The following PHF24 variants were observed in gnomAD, a reference collection of about 807,000 sequenced individuals.
PHF24 encodes the protein Galpha inhibitory interacting protein.
Under a neutral mutation model 42.6 loss-of-function variants are expected in PHF24, and 25 were observed. The ratio of observed to expected loss-of-function variants is 0.59; its 90% CI spans 0.43 to 0.82. The LOEUF (loss-of-function observed/expected upper bound fraction) is 0.82. Among genes scored for constraint, PHF24 ranks in the 40% least tolerant of loss-of-function variants. PHF24 has a pLI of 0.00. For missense variants in PHF24, 470 were observed against 538.1 expected, an observed-to-expected ratio of 0.87 and a Z score of 1.25; for synonymous variants, 185 against 204.8, an observed-to-expected ratio of 0.90 and a Z score of 0.83.
chr9:34,880,156 A>AT, the PHF24 span, among the ~76,000 whole-genome samples: 1 of 152,210 alleles, frequency 6.6e-6, no homozygotes, highest in Non-Finnish European at 1.5e-5. Context: ...ATACTGAGAG[A>AT]TTTTGTCACC....
At chr9:34,746,872 C>T in the PHF24 span, among the ~76,000 whole-genome samples, 1 of 152,200 alleles carries the variant, frequency 6.6e-6, no homozygotes, top group East Asian at 1.9e-4. Context: ...GGTGGTCAAA[C>T]AAATCATAAA....
At chr9:34,695,884 G>T in the PHF24 span, among the ~76,000 whole-genome samples, 1 of 152,208 alleles carries the variant, frequency 6.6e-6, no homozygotes, top group South Asian at 2.1e-4. Flanking sequence ...CCAGGACATA[G>T]ATTCCCAAAA....
chr9:34,755,671 G>T, the PHF24 span, among the ~76,000 whole-genome samples: 1 of 151,662 alleles, frequency 6.6e-6, no homozygotes, highest in Non-Finnish European at 1.5e-5. Context: ...TTAGAGACAG[G>T]GTCTTGCTCT....
At chr9:34,921,472 C>T in the PHF24 span, among the ~76,000 whole-genome samples, 1 of 152,084 alleles carries the variant, frequency 6.6e-6, no homozygotes, top group Non-Finnish European at 1.5e-5. Context: ...TTCATTTTCC[C>T]TGCATCTTTA....
At chr9:34,884,096 C>G in the PHF24 span, among the ~76,000 whole-genome samples, 1 of 152,072 alleles carries the variant, frequency 6.6e-6, no homozygotes, top group East Asian at 1.9e-4. Flanking sequence ...ACCATCCTTC[C>G]GAGAAAACTA....
chr9:34,828,005 T>C, the PHF24 span, among the ~76,000 whole-genome samples: 107,140 of 151,474 alleles, frequency 0.71, 38,853 homozygotes, highest in African/African-American at 0.87. Context: ...CACCTTTCCC[T>C]GCCCACCTAC....
chr9:34,833,905 G>A, the PHF24 span: 1 of 1,543,720 alleles, frequency 6.5e-7, no homozygotes, highest in Non-Finnish European at 8.8e-7. Context: ...CCGGGGCCAG[G>A]GCCCTGGGGA....
chr9:34,672,846 G>A, the PHF24 span, among the ~76,000 whole-genome samples: 754 of 152,072 alleles, frequency 5.0e-3, 7 homozygotes, highest in African/African-American at 0.017. Context: ...TCACTCTGTC[G>A]CCCAGGCTGG....
chr9:34,680,695 A>AT, the PHF24 span, among the ~76,000 whole-genome samples: 232 of 109,648 alleles, frequency 2.1e-3, 1 homozygote, highest in East Asian at 0.049. Context: ...CTCAAAAAAA[A>AT]AAATAAATAA....
the PHF24 span, among the ~76,000 whole-genome samples, chr9:34,941,237 C>A: frequency 6.6e-6 from 1 of 152,166 alleles, no homozygotes; most frequent in African/African-American, 2.4e-5. Context: ...ATGTTGCCAC[C>A]AAGCTGGCAC....
At chr9:34,688,414 G>T in the PHF24 span, among the ~76,000 whole-genome samples, 1 of 152,260 alleles carries the variant, frequency 6.6e-6, no homozygotes, top group East Asian at 1.9e-4. Context: ...TGCTCCAAGA[G>T]TCACACGGCT....
At chr9:34,835,516 G>A in the PHF24 span, 1 of 1,551,824 alleles carries the variant, frequency 6.4e-7, no homozygotes, top group Non-Finnish European at 8.7e-7. Context: ...CTGGGTTCAG[G>A]GACAGCAAGG....
the PHF24 span, among the ~76,000 whole-genome samples, chr9:34,815,903 C>G: frequency 5.3e-5 from 8 of 152,086 alleles, no homozygotes; most frequent in Non-Finnish European, 1.2e-4. Context: ...TTCTGATGCT[C>G]CTCAGGGGAC....
the PHF24 span, among the ~76,000 whole-genome samples, chr9:34,769,364 G>A: frequency 3.3e-5 from 5 of 152,004 alleles, no homozygotes; most frequent in Non-Finnish European, 5.9e-5. Context: ...CAGGTGATCC[G>A]CCTGCCTCGG....
At chr9:34,752,613 A>G in the PHF24 span, among the ~76,000 whole-genome samples, 4 of 152,202 alleles carry the variant, frequency 2.6e-5, no homozygotes, top group Admixed American at 2.0e-4. Context: ...ACATTTAAAG[A>G]AGAACTAATA....
chr9:34,929,502 A>C, the PHF24 span, among the ~76,000 whole-genome samples: 1 of 152,214 alleles, frequency 6.6e-6, no homozygotes, highest in Admixed American at 6.5e-5. Context: ...ATTACTCAAT[A>C]AATATTTGTG....
At chr9:34,666,939 C>T in the PHF24 span, among the ~76,000 whole-genome samples, 2 of 151,826 alleles carry the variant, frequency 1.3e-5, no homozygotes, top group African/African-American at 2.4e-5. Context: ...AGTGAGACTC[C>T]GTCTCAAACA....
chr9:34,709,217 AG>A, the PHF24 span: 1 of 778,802 alleles, frequency 1.3e-6, no homozygotes, highest in Non-Finnish European at 2.1e-6. Context: ...TCAGCCATGC[AG>A]GGTAGAGCTG....
chr9:34,729,196 C>A, the PHF24 span: 1 of 1,423,690 alleles, frequency 7.0e-7, no homozygotes, highest in Non-Finnish European at 9.3e-7. Context: ...TATAAAAATT[C>A]TGGGGTGGGG....
Sources: allele counts gnomAD v4.1 joint callset (sites outside exome capture counted in the v4.1 genomes callset), GRCh38; gene constraint gnomAD v4.1.1; transcripts MANE v1.5; gene names NCBI Gene and HGNC (gene_info 2026-07-23, HGNC 2026-07-21).